Variants in KAZN observed in about 807,000 individuals in gnomAD.
The protein encoded by KAZN is kazrin.
Under a neutral mutation model 87.4 loss-of-function variants are expected in KAZN, and 40 were observed. The ratio of observed to expected loss-of-function variants is 0.46; its 90% CI spans 0.36 to 0.60. The LOEUF (loss-of-function observed/expected upper bound fraction) is 0.60, where lower values mean the gene tolerates loss of function less well. Ranked by LOEUF, KAZN falls within the 20% of genes least tolerant of loss-of-function variation. KAZN has a pLI of 0.00. For synonymous variants in KAZN, 466 were observed against 458.3 expected (o/e 1.02, Z -0.22); for missense variants, 898 against 1,073.9 (o/e 0.84, Z 2.29).
intron 1 of KAZN, among the ~76,000 whole-genome samples, chr1:14,913,027 G>T (rs531959372): frequency 6.6e-6 from 1 of 152,168 alleles, no homozygotes; most frequent in Admixed American, 6.5e-5. Context: ...GGCAAGATGC[G>T]GAGGGGCTGG....
intron 1 of KAZN, among the ~76,000 whole-genome samples, chr1:14,802,945 G>A (rs531616429): frequency 6.6e-6 from 1 of 152,290 alleles, no homozygotes; most frequent in Non-Finnish European, 1.5e-5. Flanking sequence ...GCTGAGGAAA[G>A]CCACCTACCT....
At chr1:14,006,015 T>C (rs1640022181) in intron 1 of KAZN, among the ~76,000 whole-genome samples, 1 of 152,222 alleles carries the variant, frequency 6.6e-6, no homozygotes. Flanking sequence ...GTTTAGTAGA[T>C]GCATTCTCAG....
At chr1:14,685,594 C>A (rs766676492) in intron 1 of KAZN, among the ~76,000 whole-genome samples, 1 of 152,210 alleles carries the variant, frequency 6.6e-6, no homozygotes, top group Non-Finnish European at 1.5e-5. Context: ...GCAGTCAAAT[C>A]GTTCGCCTGC....
chr1:14,196,798 A>AG lies in KAZN; in HGVS notation c.249+16208dup, dbSNP rs551418542. Among the ~76,000 whole-genome samples the AG allele has an allele frequency of 1.3e-3, 198 of 152,234 alleles. 2 individuals are homozygous for AG. In the East Asian group the frequency reaches 0.019, roughly 14 times the overall value. On this transcript the variant is annotated intron_variant, in intron 2 of 16. Coordinates refer to the KAZN transcript ENST00000636203. ...TGTAAATGAGGAGAGGAGAAGTCCCAGGACTGAGCCCTGGGAAAGACTAGT... is the reference window on the plus strand; with the variant it reads ...TGTAAATGAGGAGAGGAGAAGTCCCAGGGACTGAGCCCTGGGAAAGACTAGT...
intron 1 of KAZN, among the ~76,000 whole-genome samples, chr1:14,090,973 A>G (rs1483503725): frequency 1.3e-5 from 2 of 151,986 alleles, no homozygotes; most frequent in African/African-American, 4.8e-5. Flanking sequence ...TTAGCTGGGC[A>G]TGGTGGCACA....
chr1:14,199,722 A>G (rs568923602), intron 2 of KAZN, among the ~76,000 whole-genome samples: 238 of 152,326 alleles, frequency 1.6e-3, no homozygotes, highest in African/African-American at 5.6e-3. Flanking sequence ...TTGCTAGGAA[A>G]GGTTACCAAG....
intron 2 of KAZN, among the ~76,000 whole-genome samples, chr1:14,526,346 C>T (rs1206380402): frequency 6.6e-6 from 1 of 152,182 alleles, no homozygotes; most frequent in East Asian, 1.9e-4. Context: ...CATATTTGGG[C>T]CTCTTTGTTG....
intron 4 of KAZN, among the ~76,000 whole-genome samples, chr1:15,054,397 A>G (rs1674719550): frequency 6.6e-6 from 1 of 152,076 alleles, no homozygotes; most frequent in South Asian, 2.1e-4. Flanking sequence ...AAGAATGTGC[A>G]TTAACACTTT....
At chr1:15,069,584 G>A (rs879423718) in intron 8 of KAZN, among the ~76,000 whole-genome samples, 6 of 152,192 alleles carry the variant, frequency 3.9e-5, no homozygotes, top group East Asian at 1.9e-4. Flanking sequence ...CCGAGATCGC[G>A]CCACTGCGCT....
intron 2 of KAZN, among the ~76,000 whole-genome samples, chr1:14,452,577 C>T (rs543183111): frequency 2.6e-5 from 4 of 152,128 alleles, no homozygotes; most frequent in Admixed American, 2.0e-4. Flanking sequence ...AGCAAGTGGC[C>T]ATTTGGCTGA....
intron 1 of KAZN, among the ~76,000 whole-genome samples, chr1:14,920,379 C>T (rs971185648): frequency 4.0e-5 from 6 of 151,216 alleles, no homozygotes; most frequent in Non-Finnish European, 7.4e-5. Context: ...AGCCTCCCCA[C>T]CCCCTGTCTG....
At chr1:13,984,410 T>C (rs547833126) in intron 1 of KAZN, among the ~76,000 whole-genome samples, 19 of 152,362 alleles carry the variant, frequency 1.2e-4, no homozygotes, top group Admixed American at 1.2e-3. Context: ...ATTTCTCTCA[T>C]ATGTTGTGCA....
intron 1 of KAZN, among the ~76,000 whole-genome samples, chr1:14,887,025 C>A (rs1572733688): frequency 6.6e-6 from 1 of 152,096 alleles, no homozygotes; most frequent in East Asian, 1.9e-4. Flanking sequence ...CCCCACCTAC[C>A]CCCACGAGTG....
At chr1:14,113,278 A>G (rs1179649938) in intron 1 of KAZN, among the ~76,000 whole-genome samples, 8 of 152,212 alleles carry the variant, frequency 5.3e-5, no homozygotes, top group Admixed American at 3.9e-4. Flanking sequence ...TGGGGCTGGC[A>G]GAGAACAGAG....
At chr1:14,952,447 A>G (rs1662609186) in intron 1 of KAZN, among the ~76,000 whole-genome samples, 1 of 152,144 alleles carries the variant, frequency 6.6e-6, no homozygotes, top group Admixed American at 6.5e-5. Flanking sequence ...GGCTATAAAA[A>G]TGAGTTTTTA....
At chr1:14,218,585 A>T (rs1474326496) in intron 2 of KAZN, among the ~76,000 whole-genome samples, 1 of 152,202 alleles carries the variant, frequency 6.6e-6, no homozygotes, top group Non-Finnish European at 1.5e-5. Flanking sequence ...CTGGACAAAG[A>T]TCAGACAATT....
intron 2 of KAZN, among the ~76,000 whole-genome samples, chr1:14,220,404 A>T (rs1163665650): frequency 6.6e-6 from 1 of 151,986 alleles, no homozygotes; most frequent in African/African-American, 2.4e-5. Flanking sequence ...GTCATCCCTA[A>T]CTACCCTGTG....
chr1:13,976,539 A>G (rs1638367679), intron 1 of KAZN, among the ~76,000 whole-genome samples: 1 of 151,890 alleles, frequency 6.6e-6, no homozygotes, highest in Admixed American at 6.6e-5. Flanking sequence ...AGCCTGATGG[A>G]GTTCATTTTC....
At position 14,543,693 on chromosome 1, in the gene KAZN, A is replaced by G. The variant is rs193172559; in HGVS notation, c.250-55290A>G. 2.0e-5 allele frequency among the ~76,000 whole-genome samples: 3 copies of G among 152,236 alleles called. No individual in the cohort carries two copies. In the East Asian group the frequency reaches 5.8e-4, roughly 29 times the overall value. ...AGATTATGAGTCTTGTGCAATAGTTATTTCCATCCTAATGTGAGAACCATC... is the reference window on the plus strand; with the variant it reads ...AGATTATGAGTCTTGTGCAATAGTTGTTTCCATCCTAATGTGAGAACCATC... On this transcript the variant is annotated intron_variant, in intron 2 of 16. Transcript: ENST00000636203.
Sources: allele counts gnomAD v4.1 joint callset (sites outside exome capture counted in the v4.1 genomes callset), GRCh38; gene constraint gnomAD v4.1.1; transcripts MANE v1.5; gene names NCBI Gene and HGNC (gene_info 2026-07-23, HGNC 2026-07-21).